NCAN: variants seen among roughly 807,000 people sequenced by gnomAD.
The protein encoded by NCAN is neurocan core protein.
In NCAN, 47 loss-of-function variants were observed where a neutral mutation model predicts 121.8. That is an observed-to-expected ratio of 0.39 (90% CI 0.31 to 0.49). The LOEUF (loss-of-function observed/expected upper bound fraction) is 0.49, where lower values mean the gene tolerates loss of function less well. NCAN is among the 20% of genes least tolerant of loss of function. NCAN has a pLI of 0.92. For synonymous variants in NCAN, 633 were observed against 702.0 expected (o/e 0.90, Z 1.55); for missense variants, 1,517 against 1,773.4 (o/e 0.86, Z 2.60).
At position 19,240,629 on chromosome 19, in the gene NCAN, G is replaced by C; in HGVS notation, c.3436G>C (p.Gly1146Arg). 1 of 1,614,094 alleles carries C rather than the reference G, an allele frequency of 6.2e-7. No homozygotes were observed. The highest frequency in any genetic ancestry group is 1.3e-5 in the African/African-American group (1 of 75,064). Residue 1146 changes from glycine to arginine, a missense_variant, in exon 12 of 15, where the codon GGC (glycine) becomes CGC (arginine). By Grantham distance (125) the Gly-to-Arg change is moderately radical (BLOSUM62 -2). Coordinates refer to ENST00000252575, the MANE Select transcript of NCAN (RefSeq NM_004386.3). ...CTTTGGGCATGAAAACACGTGGATC[G>C]GCCTGAACGACAGGATCGTGGAGAG... ...NSFGHENTWI[G>R]LNDRIVERDF... is the part of the protein sequence containing the mutation.
chr19:19,227,894 T>C lies in NCAN; in HGVS notation c.2274T>C (p.Ser758=). 1.2e-6 allele frequency: 2 copies of C among 1,613,666 alleles called. No homozygotes were observed. Among genetic ancestry groups the C allele is most frequent in the Non-Finnish European group, 1.7e-6 (2 of 1,180,012 alleles). ...TCAGGGGTATCCCGGGGTCTGAGTC[T>C]GGGGTCTTCGACACAGCAGAAAGCC... is the stretch of plus-strand genomic sequence containing the variant. The part of the protein sequence containing the change: ...TGLRGIPGSE[S]GVFDTAESPT... The change falls in exon 8 of 15, where the codon TCT becomes TCC. Residue 758 remains serine, a synonymous_variant. Coordinates refer to ENST00000252575, the MANE Select transcript of NCAN (RefSeq NM_004386.3). The surrounding 1 kb of genome is among the most constrained non-coding windows in gnomAD (Gnocchi z 4.2).
At chr19:19,232,755 T>C (rs1381030689) in intron 8 of NCAN, 1 of 152,222 alleles carries the variant, frequency 6.6e-6, no homozygotes, top group Non-Finnish European at 1.5e-5. Flanking sequence ...CTTTAATTGA[T>C]TTAAGCGTGA....
intron 11 of NCAN, 27 bp from the exon 12 acceptor site, chr19:19,240,576 C>A (rs1400566095): frequency 6.2e-7 from 1 of 1,612,956 alleles, no homozygotes; most frequent in African/African-American, 1.3e-5. Flanking sequence ...GGGTGAACAC[C>A]CAGACCCACA....
intron 11 of NCAN, among the ~76,000 whole-genome samples, chr19:19,239,031 G>T (rs2060892007): frequency 6.6e-6 from 1 of 151,960 alleles, no homozygotes; most frequent in Non-Finnish European, 1.5e-5. Flanking sequence ...TCCCTGATTT[G>T]TTTCTTTTTC....
rs367759381 is a variant in NCAN, at chr19:19,230,883, C to CTGTGTGTGTG, written c.3019+2280_3019+2289dup. Among the ~76,000 whole-genome samples the CTGTGTGTGTG allele has an allele frequency of 4.4e-3, 533 of 121,832 alleles. 9 individuals carry two copies. The highest frequency in any genetic ancestry group is 0.01 in the African/African-American group (323 of 31,290). 79.9% of individuals were successfully genotyped at this position (121,832 alleles called of 152,430 possible). Reference sequence around the variant, plus strand: ...ACAGGCATGCAACCACCACACCCGGCTGTGTGTGTGTGTGTGTGTGTGTGT... The same window carrying CTGTGTGTGTG: ...ACAGGCATGCAACCACCACACCCGGCTGTGTGTGTGTGTGTGTGTGTGTGTGTGTGTGTGT... On this transcript the variant is annotated intron_variant, in intron 8 of 14. Transcript: ENST00000252575.
chr19:19,244,252 T>C (rs1568603155), intron 12 of NCAN, among the ~76,000 whole-genome samples: 1 of 151,344 alleles, frequency 6.6e-6, no homozygotes, highest in Non-Finnish European at 1.5e-5. Context: ...CCTCTGAGCC[T>C]TCACACTGGT....
chr19:19,218,780 G>T (rs904834432), intron 2 of NCAN, 135 bp from the exon 3 acceptor site: 9 of 883,210 alleles, frequency 1.0e-5, no homozygotes, highest in Admixed American at 3.9e-5. Flanking sequence ...CCACTGCTTG[G>T]ATTCTGAGGT....
In NCAN at chr19:19,212,302, C is replaced by G. The variant is rs1338407869; in HGVS notation, c.-8+238C>G. On this transcript the variant is annotated intron_variant, in intron 1 of 14. Coordinates refer to ENST00000252575, the MANE Select transcript of NCAN (RefSeq NM_004386.3). This position sits in a 1 kb window ranked among gnomAD's most constrained non-coding sequence, Gnocchi z 4.5. ...TCCGCGGAATCCGGAGACTACCCCC[C>G]GGTGGGGAGGGGGCCGGGCTGGGGG... Among the ~76,000 whole-genome samples the G allele has an allele frequency of 1.2e-4, 14 of 116,906 alleles. No individual in the cohort carries two copies. Among genetic ancestry groups the G allele is most frequent in the Non-Finnish European group, 1.8e-4 (10 of 56,618 alleles). 76.7% of individuals were successfully genotyped at this position (116,906 alleles called of 152,430 possible). A position where few individuals can be genotyped will look rare whatever the true frequency, so the allele number is the denominator to read the frequency against.
At position 19,225,229 on chromosome 19, in the gene NCAN, T is replaced by C. The variant is rs754056672; in HGVS notation, c.1031T>C (p.Phe344Ser). The change falls in exon 6 of 15, where the codon TTC (phenylalanine) becomes TCC (serine). Residue 344 changes from phenylalanine to serine, a missense_variant. Phe to Ser is a radical substitution (Grantham distance 155). Coordinates refer to ENST00000252575, the MANE Select transcript of NCAN (RefSeq NM_004386.3). The surrounding 1 kb of genome is among the most constrained non-coding windows in gnomAD (Gnocchi z 4.0). Reference protein sequence around the residue: ...TVYRFANRTGFPSPAERFDAY... With the variant: ...TVYRFANRTGSPSPAERFDAY... ...TACCGCTTCGCTAACCGGACCGGCT[T>C]CCCCTCACCCGCCGAGCGCTTCGAC... 4 of 1,572,036 alleles carry C rather than the reference T, an allele frequency of 2.5e-6. No homozygotes were observed. Among genetic ancestry groups the C allele is most frequent in the Non-Finnish European group, 3.4e-6 (4 of 1,169,796 alleles).
Position 19,251,627 on chromosome 19 carries a change from CA to C in NCAN, c.*1719del, listed in dbSNP as rs895552508. On this transcript the variant is annotated 3_prime_UTR_variant, in exon 15 of 15. Coordinates refer to ENST00000252575, the MANE Select transcript of NCAN (RefSeq NM_004386.3). ...GCCAACTCCCATCTTGGTTCTGACCCAAATCCTGCTCTGGACTCTGGAGAGG... is the reference window on the plus strand; with the variant it reads ...GCCAACTCCCATCTTGGTTCTGACCCAATCCTGCTCTGGACTCTGGAGAGG... 1 of 152,150 alleles carries C rather than the reference CA, an allele frequency of 6.6e-6. No homozygotes were observed. The highest frequency in any genetic ancestry group is 2.4e-5 in the African/African-American group (1 of 41,426). 9.4% of individuals were successfully genotyped at this position (152,150 alleles called of 1,614,324 possible). A position where few individuals can be genotyped will look rare whatever the true frequency, so the allele number is the denominator to read the frequency against.
At chr19:19,235,173 C>T in intron 10 of NCAN, 77 bp downstream of exon 10, 2 of 827,076 alleles carry the variant, frequency 2.4e-6, no homozygotes, top group South Asian at 3.3e-5. Flanking sequence ...CCCACATACT[C>T]CAGGTCCCTG....
chr19:19,227,055 G>A lies in NCAN; in HGVS notation c.1642G>A (p.Val548Met), dbSNP rs150701551. ...RSPWADLTNE[V>M]DMPGAGSAGG... ...CCCCTGGGCTGATCTGACCAATGAG[G>A]TGGATATGCCTGGAGCTGGTGAGTT... The change falls in exon 7 of 15, where the codon GTG becomes ATG. Residue 548 changes from valine (V) to methionine (M), a missense_variant. Val to Met is a conservative substitution (Grantham distance 21). Transcript: ENST00000252575. The surrounding 1 kb of genome is among the most constrained non-coding windows in gnomAD (Gnocchi z 4.2). 16 of 1,511,740 alleles carry A rather than the reference G, an allele frequency of 1.1e-5. No individual in the cohort carries two copies. The African/African-American group carries it at 1.7e-4, about 16-fold the overall frequency. The allele number at this position is 1,511,740 out of a possible 1,614,324, so 93.6% of individuals were successfully genotyped here.
In NCAN at chr19:19,238,393, G is replaced by C. The variant is rs746639731; in HGVS notation, c.3391G>C (p.Glu1131Gln). ...GHLTSVHSPE[E>Q]HSFINSFGHE... is the part of the protein sequence containing the mutation. ...CCTGACCAGCGTCCACTCACCGGAGGAACACAGCTTCATTAATAGTAGGGG... is the reference window on the plus strand; with the variant it reads ...CCTGACCAGCGTCCACTCACCGGAGCAACACAGCTTCATTAATAGTAGGGG... Residue 1131 changes from glutamate (E) to glutamine (Q), a missense_variant, in exon 11 of 15, where the codon GAA becomes CAA. Glu to Gln is a conservative substitution (Grantham distance 29, BLOSUM62 2). Transcript: ENST00000252575. 2 of 1,614,164 alleles carry C rather than the reference G, an allele frequency of 1.2e-6. No individual in the cohort carries two copies.
At chr19:19,217,902 G>A (rs765430701) in intron 2 of NCAN, among the ~76,000 whole-genome samples, 1 of 152,152 alleles carries the variant, frequency 6.6e-6, no homozygotes, top group Non-Finnish European at 1.5e-5. Context: ...CATGAGAATC[G>A]CTTGAACCTG....
At chr19:19,214,821 G>C (rs1361145985) in intron 1 of NCAN, among the ~76,000 whole-genome samples, 1 of 152,002 alleles carries the variant, frequency 6.6e-6, no homozygotes, top group Non-Finnish European at 1.5e-5. Context: ...CCCTGCTGGG[G>C]GCAGGTGCAA....
At chr19:19,230,669 G>A (rs184653151) in intron 8 of NCAN, among the ~76,000 whole-genome samples, 2 of 148,784 alleles carry the variant, frequency 1.3e-5, no homozygotes, top group East Asian at 2.0e-4. Context: ...GCTGATGCAG[G>A]TTTCATCATC....
chr19:19,236,946 A>C (rs1281129473), intron 10 of NCAN, among the ~76,000 whole-genome samples: 1 of 151,586 alleles, frequency 6.6e-6, no homozygotes, highest in African/African-American at 2.4e-5. Flanking sequence ...ACAGGGTCTC[A>C]CTCTGTCACC....
At position 19,245,319 on chromosome 19, in the gene NCAN, G is replaced by C. The variant is rs1349079774; in HGVS notation, c.3499G>C (p.Glu1167Gln). 3.1e-6 allele frequency: 5 copies of C among 1,614,108 alleles called. No individual in the cohort carries two copies. Among genetic ancestry groups the C allele is most frequent in the Non-Finnish European group, 4.2e-6 (5 of 1,179,980 alleles). Reference protein sequence around the residue: ...QWTDNTGLQFENWRENQPDNF... With the variant: ...QWTDNTGLQFQNWRENQPDNF... ...CTGCCCCCTATTCCTGCAGCAATTT[G>C]AGAACTGGCGAGAGAACCAGCCGGA... The change falls in exon 13 of 15, where the codon GAG (glutamate) becomes CAG (glutamine). Residue 1167 changes from glutamate to glutamine, a missense_variant. Physicochemically the swap from Glu to Gln is conservative, Grantham distance 29. Transcript: ENST00000252575.
At position 19,225,041 on chromosome 19, in the gene NCAN, C is replaced by T. The variant is rs2146541660; in HGVS notation, c.843C>T (p.Arg281=). ...TGGCCGGCGCGCGTGCACAGTGCCG[C>T]CGCCAGGGTGCCGCGCTGGCCTCGG... ...LTLAGARAQC[R]RQGAALASVG... The change falls in exon 6 of 15, where the codon CGC becomes CGT. Residue 281 remains arginine, a synonymous_variant. Coordinates refer to ENST00000252575, the MANE Select transcript of NCAN (RefSeq NM_004386.3). This position sits in a 1 kb window ranked among gnomAD's most constrained non-coding sequence, Gnocchi z 4.0. 1 of 1,504,586 alleles carries T rather than the reference C, an allele frequency of 6.6e-7. No individual in the cohort carries two copies. The highest frequency in any genetic ancestry group is 1.4e-5 in the African/African-American group (1 of 69,650). 93.2% of individuals were successfully genotyped at this position (1,504,586 alleles called of 1,614,324 possible).
Sources: allele counts gnomAD v4.1 joint callset (sites outside exome capture counted in the v4.1 genomes callset), GRCh38; gene constraint gnomAD v4.1.1; non-coding constraint Gnocchi (gnomAD v3.1); transcripts MANE v1.5; gene names NCBI Gene and HGNC (gene_info 2026-07-23, HGNC 2026-07-21).